ADAMTSL3: variants seen among roughly 807,000 people sequenced by gnomAD.
ADAMTSL3 encodes ADAMTS-like protein 3.
A neutral mutation model predicts 201.7 loss-of-function variants in ADAMTSL3; 128 were observed. The observed-to-expected ratio is 0.63, with a 90% CI of 0.55 to 0.73. ADAMTSL3 has a LOEUF of 0.73. ADAMTSL3 is among the 30% of genes least tolerant of loss of function. The probability of loss-of-function intolerance (pLI) is 0.00; values close to 1 mark genes in which losing one functional copy is unlikely to be tolerated. For missense variants in ADAMTSL3, 1,990 were observed against 2,119.6 expected (o/e 0.94, Z 1.20); for synonymous variants, 738 against 748.4 (o/e 0.99, Z 0.23).
chr15:83,698,997 A>G (rs1009123715), intron 2 of ADAMTSL3, among the ~76,000 whole-genome samples: 2 of 151,788 alleles, frequency 1.3e-5, no homozygotes, highest in South Asian at 2.1e-4. Flanking sequence ...CTCCTCTTCT[A>G]CTTAATTTCA....
At chr15:83,944,198 A>G (rs1203259246) in intron 19 of ADAMTSL3, among the ~76,000 whole-genome samples, 2 of 152,162 alleles carry the variant, frequency 1.3e-5, no homozygotes, top group Non-Finnish European at 2.9e-5. Flanking sequence ...AGAAGGGACT[A>G]TTGTATATGT....
intron 23 of ADAMTSL3, among the ~76,000 whole-genome samples, chr15:84,008,001 C>T (rs1386479302): frequency 6.6e-6 from 1 of 152,178 alleles, no homozygotes; most frequent in Non-Finnish European, 1.5e-5. Flanking sequence ...TTCATTCTCT[C>T]TTGAATCCAC....
chr15:83,701,456 T>C (rs1208199893), intron 2 of ADAMTSL3, among the ~76,000 whole-genome samples: 1 of 152,212 alleles, frequency 6.6e-6, no homozygotes, highest in African/African-American at 2.4e-5. Context: ...TTATGTCCAG[T>C]GATTCAGATG....
intron 19 of ADAMTSL3, among the ~76,000 whole-genome samples, chr15:83,953,171 T>C (rs755059023): frequency 6.6e-5 from 10 of 152,224 alleles, no homozygotes; most frequent in Non-Finnish European, 1.3e-4. Context: ...TGCCATTTTG[T>C]TATTTGTTTT....
chr15:83,674,052 GT>G (rs35560182), intron 2 of ADAMTSL3, among the ~76,000 whole-genome samples: 143 of 136,630 alleles, frequency 1.0e-3, no homozygotes, highest in Middle Eastern at 3.9e-3. Flanking sequence ...TTATTTTTAT[GT>G]TTTTTTTTTT....
chr15:83,860,928 G>T (rs991549515), intron 8 of ADAMTSL3, among the ~76,000 whole-genome samples: 1 of 152,192 alleles, frequency 6.6e-6, no homozygotes, highest in Admixed American at 6.5e-5. Context: ...CAAAGAAAGG[G>T]GTGACAGACG....
chr15:83,840,571 T>C (rs2064353431), intron 7 of ADAMTSL3, among the ~76,000 whole-genome samples: 1 of 152,074 alleles, frequency 6.6e-6, no homozygotes, highest in Admixed American at 6.5e-5. Flanking sequence ...CATTAGGAGA[T>C]AGAGTTGGCC....
chr15:83,891,302 A>T, intron 11 of ADAMTSL3, 27 bp from the exon 12 acceptor site: 1 of 1,543,996 alleles, frequency 6.5e-7, no homozygotes, highest in Non-Finnish European at 9.0e-7. Context: ...TATAGAAATG[A>T]TATTCTCACA....
intron 13 of ADAMTSL3, among the ~76,000 whole-genome samples, chr15:83,894,818 CATATAT>C (rs72182889): frequency 1.3e-5 from 2 of 150,434 alleles, no homozygotes; most frequent in South Asian, 4.2e-4. Context: ...GTCAAAATAA[CATATAT>C]ATATATATAT....
chr15:83,724,054 CCTT>C (rs1253214998), intron 3 of ADAMTSL3, among the ~76,000 whole-genome samples: 1 of 150,194 alleles, frequency 6.7e-6, no homozygotes, highest in Non-Finnish European at 1.5e-5. Context: ...TTCTGATTTC[CCTT>C]CTTGTTTTTT....
In ADAMTSL3 at chr15:83,805,908, A is replaced by T. The variant is rs76402678; in HGVS notation, c.363+1213A>T. ...CTAGTAGCCCCTATTACCACTGCAG[A>T]CACATGTAGTCCTTGCTACAGGAGA... On this transcript the variant is annotated intron_variant, in intron 5 of 29. Coordinates refer to ENST00000286744, the MANE Select transcript of ADAMTSL3 (RefSeq NM_207517.3). Among the ~76,000 whole-genome samples, 1,170 of 152,306 alleles carry T rather than the reference A, an allele frequency of 7.7e-3. 9 individuals carry two copies. Among genetic ancestry groups the T allele is most frequent in the Non-Finnish European group, 0.012 (800 of 68,024 alleles).
intron 3 of ADAMTSL3, among the ~76,000 whole-genome samples, chr15:83,716,355 A>G (rs1000902057): frequency 4.0e-5 from 6 of 151,886 alleles, no homozygotes; most frequent in Non-Finnish European, 5.9e-5. Context: ...ACACACACAC[A>G]CACACACACA....
chr15:83,949,384 C>T (rs185007721), intron 19 of ADAMTSL3, among the ~76,000 whole-genome samples: 3 of 152,164 alleles, frequency 2.0e-5, no homozygotes, highest in Admixed American at 6.5e-5. Flanking sequence ...TGTATATGTA[C>T]CACCTTTTCT....
intron 8 of ADAMTSL3, among the ~76,000 whole-genome samples, chr15:83,863,906 T>G (rs574928521): frequency 6.6e-6 from 1 of 151,762 alleles, no homozygotes; most frequent in Admixed American, 6.6e-5. Flanking sequence ...ATCAAATAGA[T>G]GCAATAAAAA....
intron 20 of ADAMTSL3, among the ~76,000 whole-genome samples, chr15:83,973,873 A>G (rs547555115): frequency 6.6e-6 from 1 of 152,298 alleles, no homozygotes; most frequent in Non-Finnish European, 1.5e-5. Context: ...CAAGGTTTCA[A>G]TTCTAGAAAA....
At chr15:83,874,999 T>C (rs901498412) in intron 9 of ADAMTSL3, among the ~76,000 whole-genome samples, 3 of 120,618 alleles carry the variant, frequency 2.5e-5, no homozygotes, top group Non-Finnish European at 3.5e-5. Context: ...TCGACAAGAA[T>C]TGGGTCACGT....
intron 9 of ADAMTSL3, among the ~76,000 whole-genome samples, chr15:83,880,571 C>T (rs973579835): frequency 1.3e-5 from 2 of 152,156 alleles, no homozygotes; most frequent in Admixed American, 6.5e-5. Context: ...TTAAGTTTGT[C>T]CATTGAGATA....
chr15:83,831,191 C>A (rs1188330186), intron 6 of ADAMTSL3, among the ~76,000 whole-genome samples: 1 of 152,130 alleles, frequency 6.6e-6, no homozygotes, highest in African/African-American at 2.4e-5. Context: ...AGGACACCTT[C>A]CTATTATTTC....
At chr15:83,811,391 T>C (rs2063694246) in intron 5 of ADAMTSL3, among the ~76,000 whole-genome samples, 1 of 152,242 alleles carries the variant, frequency 6.6e-6, no homozygotes, top group South Asian at 2.1e-4. Flanking sequence ...ATCAAGGTGT[T>C]ACATTTTGGG....
Sources: allele counts gnomAD v4.1 joint callset (sites outside exome capture counted in the v4.1 genomes callset), GRCh38; gene constraint gnomAD v4.1.1; transcripts MANE v1.5; gene names NCBI Gene and HGNC (gene_info 2026-07-23, HGNC 2026-07-21).